Variants in LSM2 observed in about 807,000 individuals in gnomAD.
The protein encoded by LSM2 is LSM2 homolog, U6 small nuclear RNA and mRNA degradation associated.
In LSM2, 12 loss-of-function variants were observed where a neutral mutation model predicts 17.0. The observed-to-expected ratio is 0.70, with a 90% CI of 0.45 to 1.14. The LOEUF (loss-of-function observed/expected upper bound fraction) is 1.14, where lower values mean the gene tolerates loss of function less well. Among genes scored for constraint, LSM2 ranks in the 50% most tolerant of loss-of-function variants. The probability of loss-of-function intolerance (pLI) is 0.00; values close to 1 mark genes in which losing one functional copy is unlikely to be tolerated. For synonymous variants in LSM2, 42 were observed against 44.5 expected (o/e 0.94, Z 0.22); for missense variants, 62 against 111.8 (o/e 0.55, Z 2.01).
chr6:31,800,374 C>A (rs1814624408), intron 2 of LSM2, among the ~76,000 whole-genome samples: 1 of 152,026 alleles, frequency 6.6e-6, no homozygotes, highest in African/African-American at 2.4e-5. Context: ...TAATAAATAG[C>A]AGTTTTAAAA....
intron 2 of LSM2, among the ~76,000 whole-genome samples, chr6:31,804,260 C>A (rs1814877458): frequency 6.6e-6 from 1 of 151,024 alleles, no homozygotes; most frequent in African/African-American, 2.4e-5. Flanking sequence ...ACTAGGGAGG[C>A]TGAGGCAGAG....
chr6:31,797,704 C>A lies in LSM2; in HGVS notation c.*53G>T. On this transcript the variant is annotated 3_prime_UTR_variant, in exon 5 of 5. Transcript: ENST00000375661. ...GGGGGTTAGGGGTTCTGGGCTGGGA[C>A]TTGGGGTTATGGGTCACCAATGAAA... 1 of 1,610,968 alleles carries A rather than the reference C, an allele frequency of 6.2e-7. No individual in the cohort carries two copies. Among genetic ancestry groups the A allele is most frequent in the Non-Finnish European group, 8.5e-7 (1 of 1,179,638 alleles).
chr6:31,806,188 T>C, intron 1 of LSM2, 46 bp from the exon 2 acceptor site: 2 of 1,565,032 alleles, frequency 1.3e-6, no homozygotes, highest in Non-Finnish European at 1.8e-6. Flanking sequence ...AGGAGCATGG[T>C]AGGGAGGAGT....
At chr6:31,800,111 C>A (rs1399115678) in intron 2 of LSM2, among the ~76,000 whole-genome samples, 1 of 151,672 alleles carries the variant, frequency 6.6e-6, no homozygotes, top group Non-Finnish European at 1.5e-5. Flanking sequence ...ACGAGGCGGG[C>A]GAATCACGAG....
rs545223289 is a variant in LSM2 at position 31,799,546 on chromosome 6, C to G, written c.72-1039G>C. Among the ~76,000 whole-genome samples the G allele has an allele frequency of 4.6e-5, 7 of 151,958 alleles. 1 individual carries two copies. In the East Asian group the frequency reaches 1.4e-3, roughly 30 times the overall value. ...TAATTTTTTGTATTTTTAGTAGAGA[C>G]GGGGTTTCACCGTGTTAGCCAGGAT... On this transcript the variant is annotated intron_variant, in intron 2 of 4. Coordinates refer to ENST00000375661, the MANE Select transcript of LSM2 (RefSeq NM_021177.5).
At position 31,806,737 on chromosome 6, in the gene LSM2, T is replaced by C. The variant is rs1815061238; in HGVS notation, c.3+18A>G. The C allele has an allele frequency of 6.2e-7, 1 of 1,610,062 alleles. No homozygotes were observed. The highest frequency in any genetic ancestry group is 2.2e-5 in the East Asian group (1 of 44,816). On this transcript the variant is annotated intron_variant, in intron 1 of 4. Transcript: ENST00000375661. Reference sequence around the variant, plus strand: ...CGAGGTCCCCGAGGGCGCCCCCTTTTGACGTCACGGTACCCACCATGGTGC... The same window carrying C: ...CGAGGTCCCCGAGGGCGCCCCCTTTCGACGTCACGGTACCCACCATGGTGC...
At chr6:31,801,244 C>T (rs1232030138) in intron 2 of LSM2, among the ~76,000 whole-genome samples, 3 of 150,108 alleles carry the variant, frequency 2.0e-5, no homozygotes, top group African/African-American at 7.4e-5. Context: ...TAGTACTAGG[C>T]AATCATTATT....
chr6:31,805,525 C>T (rs372234084), intron 2 of LSM2, among the ~76,000 whole-genome samples: 33 of 151,964 alleles, frequency 2.2e-4, no homozygotes, highest in Admixed American at 5.3e-4. Context: ...CCACCGTGCC[C>T]GGCTAATTTT....
rs1562334788 is a variant in LSM2, at chr6:31,806,931, G to A, written c.-174C>T. The A allele has an allele frequency of 4.8e-6, 4 of 829,180 alleles. No individual in the cohort carries two copies. Among genetic ancestry groups the A allele is most frequent in the Non-Finnish European group, 7.3e-6 (4 of 546,640 alleles). The allele number at this position is 829,180 out of a possible 1,614,324, so 51.4% of individuals were successfully genotyped here. On this transcript the variant is annotated 5_prime_UTR_variant, in exon 1 of 5. Coordinates refer to ENST00000375661, the MANE Select transcript of LSM2 (RefSeq NM_021177.5). ...GACGGGCAAAGCGCGGCCGACTTGC[G>A]GCTGGGGAGCGCAAGCTGGGTAGAG...
At position 31,797,595 on chromosome 6, in the gene LSM2, C is replaced by G; in HGVS notation, c.*162G>C. 1 of 981,378 alleles carries G rather than the reference C, an allele frequency of 1.0e-6. No homozygotes were observed. The highest frequency in any genetic ancestry group is 1.5e-6 in the Non-Finnish European group (1 of 661,802). 60.8% of individuals were successfully genotyped at this position (981,378 alleles called of 1,614,324 possible). ...CCTTCTCAAGAGAGGATAGCTGTTC[C>G]CTATTACTCCTCTCATCCACTCATC... On this transcript the variant is annotated 3_prime_UTR_variant, in exon 5 of 5. Coordinates refer to ENST00000375661, the MANE Select transcript of LSM2 (RefSeq NM_021177.5).
chr6:31,804,732 C>T (rs1251940965), intron 2 of LSM2, among the ~76,000 whole-genome samples: 3 of 149,412 alleles, frequency 2.0e-5, no homozygotes, highest in Non-Finnish European at 4.4e-5. Flanking sequence ...CATGAGCCAT[C>T]GTGCCCGGCC....
intron 2 of LSM2, among the ~76,000 whole-genome samples, chr6:31,798,877 C>G (rs570410932): frequency 1.5e-4 from 22 of 151,438 alleles, no homozygotes; most frequent in African/African-American, 4.4e-4. Flanking sequence ...GCTAGGACTT[C>G]AGGCGCATGC....
intron 3 of LSM2, among the ~76,000 whole-genome samples, 167 bp from the exon 4 acceptor site, chr6:31,798,216 G>A (rs1423353151): frequency 1.3e-5 from 2 of 151,926 alleles, no homozygotes; most frequent in Non-Finnish European, 2.9e-5. Flanking sequence ...CGACTAGCTG[G>A]GATTACAGGT....
Position 31,806,093 on chromosome 6 carries a change from T to C in LSM2, c.53A>G (p.Glu18Gly). 6.2e-7 allele frequency: 1 copy of C among 1,612,954 alleles called. No individual in the cohort carries two copies. The highest frequency in any genetic ancestry group is 8.5e-7 in the Non-Finnish European group (1 of 1,179,924). The change falls in exon 2 of 5, where the codon GAA becomes GGA. Residue 18 changes from glutamate (E) to glycine (G), a missense_variant. Transcript: ENST00000375661. ...KSLVGKDVVVELKNDLSICGT... is the reference protein window; with the variant it reads ...KSLVGKDVVVGLKNDLSICGT... ...TACCTACCTCAGGTCATTCTTTAGT[T>C]CCACGACCACATCCTTGCCCACAAG...
At chr6:31,799,357 C>A (rs2151444179) in intron 2 of LSM2, among the ~76,000 whole-genome samples, 1 of 151,880 alleles carries the variant, frequency 6.6e-6, no homozygotes, top group African/African-American at 2.4e-5. Flanking sequence ...AGCCACCATG[C>A]CCAGCTGATT....
At position 31,806,759 on chromosome 6, in the gene LSM2, G is replaced by A. The variant is rs752766908; in HGVS notation, c.-2C>T. The A allele has an allele frequency of 1.2e-6, 2 of 1,610,122 alleles. No homozygotes were observed. Among genetic ancestry groups the A allele is most frequent in the Admixed American group, 1.7e-5 (1 of 59,398 alleles). ...TTTTGACGTCACGGTACCCACCATG[G>A]TGCTGGCGCCGCGGGCAGCGGGCCG... On this transcript the variant is annotated 5_prime_UTR_variant, in exon 1 of 5. Coordinates refer to ENST00000375661, the MANE Select transcript of LSM2 (RefSeq NM_021177.5).
At chr6:31,806,283 T>C (rs1177504823) in intron 1 of LSM2, 141 bp from the exon 2 acceptor site, 3 of 807,348 alleles carry the variant, frequency 3.7e-6, no homozygotes, top group East Asian at 5.3e-5. Context: ...GAAAGAATAA[T>C]TGGTTGACAG....
At chr6:31,798,379 A>G (rs1814511243) in intron 3 of LSM2, 98 bp downstream of exon 3, 1 of 1,455,738 alleles carries the variant, frequency 6.9e-7, no homozygotes, top group African/African-American at 1.4e-5. Context: ...GCCGACGAAC[A>G]CCATTATTAA....
At chr6:31,806,716 G>C (rs1313746476) in intron 1 of LSM2, 39 bp downstream of exon 1, 6 of 1,606,824 alleles carry the variant, frequency 3.7e-6, no homozygotes, top group Non-Finnish European at 5.1e-6. Context: ...ACCATGCGAG[G>C]TCCCCGAGGG....
Sources: gnomAD v4.1 joint callset for allele counts (sites outside exome capture counted in the v4.1 genomes callset) on GRCh38, gnomAD v4.1.1 for gene constraint, MANE v1.5 for transcripts, NCBI Gene and HGNC (gene_info 2026-07-23, HGNC 2026-07-21) for gene names.